KCTD8: variants seen among roughly 807,000 people sequenced by gnomAD.
KCTD8 encodes the protein potassium channel tetramerization domain containing 8.
In KCTD8, 27 loss-of-function variants were observed where a neutral mutation model predicts 31.5. The observed-to-expected ratio is 0.86, with a 90% CI of 0.63 to 1.18. KCTD8 has a LOEUF of 1.18. Ranked by LOEUF, KCTD8 falls within the 50% of genes most tolerant of loss-of-function variation. KCTD8 has a pLI of 0.00. For synonymous variants in KCTD8, 290 were observed against 280.0 expected (o/e 1.04, Z -0.36); for missense variants, 658 against 647.7 (o/e 1.02, Z -0.17).
chr4:44,226,897 T>C (rs1193791384), intron 1 of KCTD8, among the ~76,000 whole-genome samples: 1 of 152,144 alleles, frequency 6.6e-6, no homozygotes, highest in Non-Finnish European at 1.5e-5. Flanking sequence ...GTTTTTTTTT[T>C]CTTGTAAATA....
intron 1 of KCTD8, among the ~76,000 whole-genome samples, chr4:44,246,691 C>T (rs1715677327): frequency 6.6e-6 from 1 of 151,980 alleles, no homozygotes; most frequent in South Asian, 2.1e-4. Flanking sequence ...CATTCATTCT[C>T]AATCACATGA....
At chr4:44,336,173 A>AAG (rs1560429419) in intron 1 of KCTD8, among the ~76,000 whole-genome samples, 14 of 139,364 alleles carry the variant, frequency 1.0e-4, no homozygotes, top group Non-Finnish European at 1.9e-4. Context: ...AAAAAAAAAA[A>AAG]AAAGAAAAAA....
intron 1 of KCTD8, among the ~76,000 whole-genome samples, chr4:44,222,287 G>A (rs1207585872): frequency 2.0e-5 from 3 of 152,176 alleles, no homozygotes; most frequent in Non-Finnish European, 2.9e-5. Flanking sequence ...ACATCAGCCA[G>A]ACTGGCAGTC....
At chr4:44,417,712 G>A (rs760333673) in intron 1 of KCTD8, among the ~76,000 whole-genome samples, 1 of 93,952 alleles carries the variant, frequency 1.1e-5, no homozygotes, top group Admixed American at 1.1e-4. Flanking sequence ...GACTAAATAA[G>A]TTGGCATTAG....
Position 44,214,803 on chromosome 4 carries a change from T to C in KCTD8, c.962-39553A>G, listed in dbSNP as rs377436855. Among the ~76,000 whole-genome samples the C allele has an allele frequency of 7.9e-5, 12 of 152,302 alleles. No individual in the cohort carries two copies. In the South Asian group the frequency reaches 2.3e-3, roughly 29 times the overall value. On this transcript the variant is annotated intron_variant, in intron 1 of 1. Transcript: ENST00000360029. ...TTCCTGCCTGAAGACAAGACTGCCT[T>C]TTCAGAACTAACCAATTAGCCACAA...
chr4:44,365,599 A>G (rs1719611593), intron 1 of KCTD8, among the ~76,000 whole-genome samples: 1 of 152,184 alleles, frequency 6.6e-6, no homozygotes, highest in African/African-American at 2.4e-5. Flanking sequence ...AAGGCAAAAA[A>G]TAGTAATCTT....
At chr4:44,351,859 A>G (rs1407440241) in intron 1 of KCTD8, among the ~76,000 whole-genome samples, 1 of 152,150 alleles carries the variant, frequency 6.6e-6, no homozygotes, top group Non-Finnish European at 1.5e-5. Context: ...TTTATTCTTT[A>G]TTAAACATTT....
At chr4:44,397,029 A>T (rs1720522980) in intron 1 of KCTD8, among the ~76,000 whole-genome samples, 2 of 152,072 alleles carry the variant, frequency 1.3e-5, no homozygotes, top group Admixed American at 6.6e-5. Context: ...CCTCAATAAC[A>T]TTCCTATGCT....
chr4:44,261,346 T>C (rs574324779), intron 1 of KCTD8, among the ~76,000 whole-genome samples: 3 of 151,978 alleles, frequency 2.0e-5, no homozygotes, highest in Non-Finnish European at 2.9e-5. Flanking sequence ...AGCAGCAAGT[T>C]TGGTTCTGAA....
At position 44,429,689 on chromosome 4, in the gene KCTD8, A is replaced by G. The variant is rs116483856; in HGVS notation, c.961+17874T>C. Among the ~76,000 whole-genome samples the G allele has an allele frequency of 3.9e-3, 591 of 151,960 alleles. 3 individuals carry two copies. Among genetic ancestry groups the G allele is most frequent in the African/African-American group, 0.014 (564 of 41,522 alleles). On this transcript the variant is annotated intron_variant, in intron 1 of 1. Coordinates refer to ENST00000360029, the MANE Select transcript of KCTD8 (RefSeq NM_198353.3). ...TAAAGGAACTCTGGCAAGTTTAAAA[A>G]GTAATGGGAAATGTATAATTGAGAG...
intron 1 of KCTD8, among the ~76,000 whole-genome samples, chr4:44,260,855 G>A (rs558644576): frequency 6.6e-6 from 1 of 151,924 alleles, no homozygotes; most frequent in African/African-American, 2.4e-5. Flanking sequence ...GAGTGGTATG[G>A]TATGAGTTTG....
chr4:44,201,977 C>T (rs1045229001), intron 1 of KCTD8, among the ~76,000 whole-genome samples: 1 of 151,920 alleles, frequency 6.6e-6, no homozygotes, highest in Non-Finnish European at 1.5e-5. Context: ...TAAAGAATGG[C>T]CAAAGGACAT....
intron 1 of KCTD8, among the ~76,000 whole-genome samples, chr4:44,303,603 C>A (rs1256019379): frequency 6.6e-6 from 1 of 151,940 alleles, no homozygotes; most frequent in Non-Finnish European, 1.5e-5. Flanking sequence ...ATTGCTTGAG[C>A]TCAGGAGTTC....
chr4:44,371,586 T>C (rs1452680929), intron 1 of KCTD8, among the ~76,000 whole-genome samples: 2 of 152,188 alleles, frequency 1.3e-5, no homozygotes, highest in African/African-American at 2.4e-5. Context: ...CTATTCCCAA[T>C]TAAATATTAA....
chr4:44,429,145 C>T (rs1478805423), intron 1 of KCTD8, among the ~76,000 whole-genome samples: 8 of 151,466 alleles, frequency 5.3e-5, no homozygotes, highest in African/African-American at 1.7e-4. Context: ...AGAGCCAAAG[C>T]GATAAGCAGT....
chr4:44,320,267 C>A (rs1204319133), intron 1 of KCTD8, among the ~76,000 whole-genome samples: 4 of 150,970 alleles, frequency 2.6e-5, no homozygotes, highest in South Asian at 4.2e-4. Flanking sequence ...TCACTCCCAT[C>A]CCTTCCTACA....
intron 1 of KCTD8, among the ~76,000 whole-genome samples, chr4:44,314,687 G>A (rs1265200421): frequency 6.6e-6 from 1 of 151,448 alleles, no homozygotes. Flanking sequence ...TACACAGCAG[G>A]GATCATATCA....
intron 1 of KCTD8, among the ~76,000 whole-genome samples, chr4:44,216,556 G>A (rs2109345948): frequency 6.6e-6 from 1 of 152,190 alleles, no homozygotes; most frequent in African/African-American, 2.4e-5. Flanking sequence ...GTAGTGTCTG[G>A]GGCTGTGGGA....
intron 1 of KCTD8, among the ~76,000 whole-genome samples, chr4:44,333,726 G>A (rs1225736825): frequency 2.0e-5 from 3 of 152,100 alleles, no homozygotes; most frequent in African/African-American, 7.2e-5. Flanking sequence ...TTGTATTGAG[G>A]TGAATGAGAG....
Sources: allele counts gnomAD v4.1 joint callset (sites outside exome capture counted in the v4.1 genomes callset), GRCh38; gene constraint gnomAD v4.1.1; transcripts MANE v1.5; gene names NCBI Gene and HGNC (gene_info 2026-07-23, HGNC 2026-07-21).